TLL1: variants seen among roughly 807,000 people sequenced by gnomAD.
TLL1 encodes tolloid like 1, also known as tolloid-like protein 1.
TLL1 carries 49 observed loss-of-function variants against 128.2 expected under a neutral mutation model. The ratio of observed to expected loss-of-function variants is 0.38; its 90% CI spans 0.30 to 0.48. The LOEUF (loss-of-function observed/expected upper bound fraction) is 0.48. Ranked by LOEUF, TLL1 falls within the 20% of genes least tolerant of loss-of-function variation. TLL1 has a pLI of 0.96. For missense variants in TLL1, 1,123 were observed against 1,242.0 expected (o/e 0.90, Z 1.44); for synonymous variants, 454 against 418.8 (o/e 1.08, Z -1.03).
At chr4:165,888,145 G>A (rs1002627033) in intron 1 of TLL1, among the ~76,000 whole-genome samples, 1 of 151,726 alleles carries the variant, frequency 6.6e-6, no homozygotes, top group African/African-American at 2.4e-5. Context: ...TTTTTTTGCT[G>A]TGCTGACAGC....
chr4:165,989,140 A>C (rs894989076), intron 1 of TLL1, among the ~76,000 whole-genome samples: 1 of 152,062 alleles, frequency 6.6e-6, no homozygotes, highest in Admixed American at 6.6e-5. Context: ...TTCTTATTCA[A>C]GGAAACTACT....
At chr4:165,999,733 C>T (rs975317537) in intron 5 of TLL1, among the ~76,000 whole-genome samples, 3 of 151,886 alleles carry the variant, frequency 2.0e-5, no homozygotes, top group Admixed American at 6.6e-5. Flanking sequence ...CTCAGCCTCC[C>T]AAATTTCTAG....
intron 19 of TLL1, among the ~76,000 whole-genome samples, chr4:166,098,228 G>A (rs1051208688): frequency 1.3e-5 from 2 of 151,566 alleles, no homozygotes; most frequent in Non-Finnish European, 2.9e-5. Flanking sequence ...CCAGTTACTT[G>A]GGAGGGTGAG....
At chr4:166,078,563 G>T (rs577809210) in intron 18 of TLL1, among the ~76,000 whole-genome samples, 1 of 151,990 alleles carries the variant, frequency 6.6e-6, no homozygotes, top group East Asian at 1.9e-4. Flanking sequence ...CATTTTATTC[G>T]GCATGAGTAA....
At chr4:166,045,785 G>A (rs1739438510) in intron 12 of TLL1, among the ~76,000 whole-genome samples, 1 of 151,966 alleles carries the variant, frequency 6.6e-6, no homozygotes, top group Non-Finnish European at 1.5e-5. Context: ...CCACATCACA[G>A]CATTTACCAC....
chr4:166,098,441 T>C (rs1268987233), intron 19 of TLL1, among the ~76,000 whole-genome samples: 6 of 152,024 alleles, frequency 3.9e-5, no homozygotes, highest in Non-Finnish European at 7.4e-5. Context: ...AAAGGTTTTA[T>C]GGACACTTAT....
intron 1 of TLL1, among the ~76,000 whole-genome samples, chr4:165,963,785 G>T (rs1735236418): frequency 6.6e-6 from 1 of 152,156 alleles, no homozygotes; most frequent in Non-Finnish European, 1.5e-5. Flanking sequence ...CAGTGCTCAG[G>T]TTTACAGATT....
chr4:165,981,174 T>A (rs28674594), intron 1 of TLL1, among the ~76,000 whole-genome samples: 12,157 of 152,056 alleles, frequency 0.08, 1,594 homozygotes, highest in African/African-American at 0.27. Context: ...TGGTTCTTCT[T>A]GTTTTACTGA....
chr4:166,059,782 C>T (rs1740216221), intron 14 of TLL1, among the ~76,000 whole-genome samples: 1 of 151,902 alleles, frequency 6.6e-6, no homozygotes, highest in South Asian at 2.1e-4. Flanking sequence ...TTTAAAGTTA[C>T]TAAAATTTAG....
chr4:166,075,993 C>T (rs1741005112), intron 17 of TLL1, among the ~76,000 whole-genome samples: 2 of 152,018 alleles, frequency 1.3e-5, no homozygotes, highest in South Asian at 2.1e-4. Context: ...GCATAATATC[C>T]ATAACTTGGT....
intron 1 of TLL1, among the ~76,000 whole-genome samples, chr4:165,905,511 T>A (rs1732207865): frequency 6.6e-6 from 1 of 152,172 alleles, no homozygotes; most frequent in Non-Finnish European, 1.5e-5. Context: ...CACAAAGGAT[T>A]TCGTGTACTA....
chr4:166,024,589 G>A (rs1344866140), intron 8 of TLL1, among the ~76,000 whole-genome samples: 1 of 152,124 alleles, frequency 6.6e-6, no homozygotes, highest in Non-Finnish European at 1.5e-5. Context: ...CTAGCCCTGG[G>A]TGAACACAGA....
At chr4:166,055,760 G>A (rs1739976598) in intron 13 of TLL1, among the ~76,000 whole-genome samples, 1 of 152,032 alleles carries the variant, frequency 6.6e-6, no homozygotes, top group Non-Finnish European at 1.5e-5. Flanking sequence ...CTTTGATTTT[G>A]AAATGCATAA....
intron 8 of TLL1, among the ~76,000 whole-genome samples, chr4:166,023,916 G>GTT (rs35422171): frequency 2.0e-5 from 3 of 146,806 alleles, no homozygotes; most frequent in African/African-American, 7.4e-5. Context: ...TATAGGTTTG[G>GTT]TTTTTTTTTT....
intron 1 of TLL1, among the ~76,000 whole-genome samples, chr4:165,925,135 T>C (rs35319888): frequency 0.29 from 44,783 of 152,170 alleles, 7,662 homozygotes; most frequent in East Asian, 0.57. Context: ...ATTCTATATC[T>C]CACAGAGGAG....
intron 7 of TLL1, among the ~76,000 whole-genome samples, chr4:166,010,210 T>C (rs1447629937): frequency 1.3e-5 from 2 of 151,482 alleles, no homozygotes; most frequent in Non-Finnish European, 3.0e-5. Context: ...ATTTTGTTTA[T>C]CTTGTCATCC....
intron 1 of TLL1, among the ~76,000 whole-genome samples, chr4:165,985,018 A>T (rs757445271): frequency 2.6e-5 from 4 of 152,018 alleles, no homozygotes; most frequent in African/African-American, 4.8e-5. Context: ...AATTCACGGT[A>T]TGTTCTCATT....
At chr4:166,055,686 A>T (rs1275755514) in intron 13 of TLL1, among the ~76,000 whole-genome samples, 1 of 152,000 alleles carries the variant, frequency 6.6e-6, no homozygotes, top group East Asian at 1.9e-4. Context: ...ATAATTTATG[A>T]CCTCCTTAGC....
At chr4:166,090,841 AT>A (rs978833349) in intron 18 of TLL1, among the ~76,000 whole-genome samples, 23 of 152,134 alleles carry the variant, frequency 1.5e-4, no homozygotes, top group African/African-American at 5.3e-4. Flanking sequence ...ATAAAATACC[AT>A]TTTTTATATT....
Sources: allele counts gnomAD v4.1 joint callset (sites outside exome capture counted in the v4.1 genomes callset), GRCh38; gene constraint gnomAD v4.1.1; transcripts MANE v1.5; gene names NCBI Gene and HGNC (gene_info 2026-07-23, HGNC 2026-07-21).